The following RNF144B variants were observed in gnomAD, a reference collection of about 807,000 sequenced individuals.
RNF144B encodes ring finger protein 144B, also known as E3 ubiquitin-protein ligase RNF144B.
Under a neutral mutation model 40.2 loss-of-function variants are expected in RNF144B, and 25 were observed. The ratio of observed to expected loss-of-function variants is 0.62; its 90% confidence interval spans 0.45 to 0.87. The LOEUF (loss-of-function observed/expected upper bound fraction) is 0.87, where lower values mean the gene tolerates loss of function less well. Ranked by LOEUF, RNF144B falls within the 40% of genes least tolerant of loss-of-function variation. The probability of loss-of-function intolerance (pLI) is 0.00; values close to 1 mark genes in which losing one functional copy is unlikely to be tolerated. For synonymous variants in RNF144B, 145 were observed against 136.3 expected, an observed-to-expected ratio of 1.06 and a Z score of -0.44; for missense variants, 365 against 373.7, an observed-to-expected ratio of 0.98 and a Z score of 0.19.
At chr6:18,424,319 G>A (rs1185263871) in intron 2 of RNF144B, among the ~76,000 whole-genome samples, 1 of 152,184 alleles carries the variant, frequency 6.6e-6, no homozygotes, top group African/African-American at 2.4e-5. Flanking sequence ...ACTAGGGCTG[G>A]TTGTTTTCCC....
rs1456302218 is a variant in RNF144B, at chr6:18,418,387, C to T, written c.166-9194C>T. ...ATTCACACAATGGCATACTATTCAG[C>T]AATAAAATAAATGAAGTACCAATAC... On this transcript the variant is annotated intron_variant, in intron 2 of 7. Coordinates refer to ENST00000259939, the MANE Select transcript of RNF144B (RefSeq NM_182757.4). This position sits in a 1 kb window ranked among gnomAD's most constrained non-coding sequence, Gnocchi z 5.2. Among the ~76,000 whole-genome samples, 1 of 152,128 alleles carries T rather than the reference C, an allele frequency of 6.6e-6. No individual in the cohort carries two copies. Among genetic ancestry groups the T allele is most frequent in the East Asian group, 1.9e-4 (1 of 5,206 alleles).
Position 18,459,575 on chromosome 6 carries a change from T to C in RNF144B, c.537-32T>C, listed in dbSNP as rs756977237. ...GGGAATTCAACTGATGACCATCAGC[T>C]GAATGCCATTTCTCATCCATTTTGT... On this transcript the variant is annotated intron_variant, in intron 5 of 7. Coordinates refer to ENST00000259939, the MANE Select transcript of RNF144B (RefSeq NM_182757.4). This position sits in a 1 kb window ranked among gnomAD's most constrained non-coding sequence, Gnocchi z 4.2. 9.3e-6 allele frequency: 15 copies of C among 1,607,530 alleles called. No individual in the cohort carries two copies.
In RNF144B at chr6:18,456,722, C is replaced by T. The variant is rs916423919; in HGVS notation, c.332-433C>T. 1.3e-5 allele frequency among the ~76,000 whole-genome samples: 2 copies of T among 152,124 alleles called. No individual in the cohort carries two copies. Among genetic ancestry groups the T allele is most frequent in the African/African-American group, 4.8e-5 (2 of 41,416 alleles). The stretch of plus-strand genomic sequence containing the variant: ...CATTATGAAGACTAATAGTAGAAAT[C>T]CTCACCCTTGTTGTATTATACTTCC... On this transcript the variant is annotated intron_variant, in intron 4 of 7. Coordinates refer to ENST00000259939, the MANE Select transcript of RNF144B (RefSeq NM_182757.4). This position sits in a 1 kb window ranked among gnomAD's most constrained non-coding sequence, Gnocchi z 4.7.
rs1460290290 is a variant in RNF144B, at chr6:18,458,690, T to TGAAAATA, written c.537-916_537-910dup. The stretch of plus-strand genomic sequence containing the variant: ...GCCTCTGTGAGTCTGTTTCCCTATC[T>TGAAAATA]GAAAATAAGGGAATTAAGATACAAG... On this transcript the variant is annotated intron_variant, in intron 5 of 7. Transcript: ENST00000259939. The surrounding 1 kb of genome is among the most constrained non-coding windows in gnomAD (Gnocchi z 4.8). Among the ~76,000 whole-genome samples, 7 of 152,190 alleles carry TGAAAATA rather than the reference T, an allele frequency of 4.6e-5. No homozygotes were observed. Among genetic ancestry groups the TGAAAATA allele is most frequent in the Non-Finnish European group, 1.0e-4 (7 of 68,022 alleles).
At chr6:18,420,832 C>T (rs1795244097) in intron 2 of RNF144B, among the ~76,000 whole-genome samples, 2 of 152,048 alleles carry the variant, frequency 1.3e-5, no homozygotes, top group South Asian at 4.1e-4. Context: ...TTTAAAATTT[C>T]CTTTATTAGA....
chr6:18,400,693 T>C lies in RNF144B; in HGVS notation c.165+994T>C, dbSNP rs1375950302. 6.6e-6 allele frequency among the ~76,000 whole-genome samples: 1 copy of C among 152,180 alleles called. No individual in the cohort carries two copies. The highest frequency in any genetic ancestry group is 1.9e-4 in the East Asian group (1 of 5,198). On this transcript the variant is annotated intron_variant, in intron 2 of 7. Coordinates refer to ENST00000259939, the MANE Select transcript of RNF144B (RefSeq NM_182757.4). The surrounding 1 kb of genome is among the most constrained non-coding windows in gnomAD (Gnocchi z 5.6). ...GTTCATTTAATCAACAAATATCTGT[T>C]GAGCAGGAACTATGTCCCAGGAATG...
In RNF144B at chr6:18,459,866, A is replaced by G; in HGVS notation, c.681+115A>G. 2 of 987,382 alleles carry G rather than the reference A, an allele frequency of 2.0e-6. No homozygotes were observed. Among genetic ancestry groups the G allele is most frequent in the Non-Finnish European group, 3.0e-6 (2 of 670,150 alleles). 61.2% of individuals were successfully genotyped at this position (987,382 alleles called of 1,614,324 possible). On this transcript the variant is annotated intron_variant, in intron 6 of 7. Coordinates refer to ENST00000259939, the MANE Select transcript of RNF144B (RefSeq NM_182757.4). This position sits in a 1 kb window ranked among gnomAD's most constrained non-coding sequence, Gnocchi z 4.2. ...GGGCAATTTTTGTCCTGCAAAAGGA[A>G]TTTATTTTTCTTAATGAGACTTACT...
At position 18,395,069 on chromosome 6, in the gene RNF144B, T is replaced by C. The variant is rs1042759601; in HGVS notation, c.-36-4430T>C. Among the ~76,000 whole-genome samples the C allele has an allele frequency of 1.3e-5, 2 of 152,236 alleles. No homozygotes were observed. The highest frequency in any genetic ancestry group is 4.8e-5 in the African/African-American group (2 of 41,458). On this transcript the variant is annotated intron_variant, in intron 1 of 7. Coordinates refer to ENST00000259939, the MANE Select transcript of RNF144B (RefSeq NM_182757.4). This position sits in a 1 kb window ranked among gnomAD's most constrained non-coding sequence, Gnocchi z 4.5. ...CTTGCATTCTCTGCCAAAATTCTTTTCACAAGGGGTTCTTGACACTCGGTG... is the reference window on the plus strand; with the variant it reads ...CTTGCATTCTCTGCCAAAATTCTTTCCACAAGGGGTTCTTGACACTCGGTG...
At chr6:18,461,669 A>G (rs991280201) in intron 6 of RNF144B, among the ~76,000 whole-genome samples, 2 of 152,232 alleles carry the variant, frequency 1.3e-5, no homozygotes, top group African/African-American at 4.8e-5. Flanking sequence ...ATATTGAAGC[A>G]TCTTTTTTTC....
chr6:18,397,898 G>A (rs907614380), intron 1 of RNF144B, among the ~76,000 whole-genome samples: 1 of 152,088 alleles, frequency 6.6e-6, no homozygotes, highest in African/African-American at 2.4e-5. Flanking sequence ...TAACTTATCA[G>A]TATCACAATT....
At chr6:18,411,733 A>G (rs987279320) in intron 2 of RNF144B, among the ~76,000 whole-genome samples, 3 of 151,846 alleles carry the variant, frequency 2.0e-5, no homozygotes, top group African/African-American at 7.3e-5. Context: ...ACCTCAGGTG[A>G]TCTGTCCACC....
At position 18,398,919 on chromosome 6, in the gene RNF144B, T is replaced by C. The variant is rs1215520833; in HGVS notation, c.-36-580T>C. Reference sequence around the variant, plus strand: ...GTTGAATTGATTGTAGTGATGCAACTCCTAAATATGTTTGCTCATAGTGAT... The same window carrying C: ...GTTGAATTGATTGTAGTGATGCAACCCCTAAATATGTTTGCTCATAGTGAT... On this transcript the variant is annotated intron_variant, in intron 1 of 7. Transcript: ENST00000259939. The surrounding 1 kb of genome is among the most constrained non-coding windows in gnomAD (Gnocchi z 5.0). Among the ~76,000 whole-genome samples the C allele has an allele frequency of 6.6e-6, 1 of 152,230 alleles. No homozygotes were observed. Among genetic ancestry groups the C allele is most frequent in the African/African-American group, 2.4e-5 (1 of 41,458 alleles).
chr6:18,403,394 T>G (rs1356501214), intron 2 of RNF144B, among the ~76,000 whole-genome samples: 1 of 152,100 alleles, frequency 6.6e-6, no homozygotes, highest in East Asian at 1.9e-4. Flanking sequence ...CTGAAAAGAG[T>G]CGGTATGTTG....
At chr6:18,415,452 G>A (rs1320114493) in intron 2 of RNF144B, among the ~76,000 whole-genome samples, 1 of 152,180 alleles carries the variant, frequency 6.6e-6, no homozygotes, top group African/African-American at 2.4e-5. Context: ...TCACGTGACA[G>A]AAGAGATGGA....
rs1759618114 is a variant in RNF144B at position 18,468,388 on chromosome 6, G to A, written c.*3321G>A. 1 of 152,174 alleles carries A rather than the reference G, an allele frequency of 6.6e-6. No homozygotes were observed. The highest frequency in any genetic ancestry group is 1.5e-5 in the Non-Finnish European group (1 of 68,018). The allele number at this position is 152,174 out of a possible 1,614,324, so 9.4% of individuals were successfully genotyped here. ...GGTATTTGCTTTGGACTTGGAGTCT[G>A]TACTTTGAAAGAGGCCTTTGAAAAA... On this transcript the variant is annotated 3_prime_UTR_variant, in exon 8 of 8. Coordinates refer to ENST00000259939, the MANE Select transcript of RNF144B (RefSeq NM_182757.4).
In RNF144B at chr6:18,425,109, G is replaced by A. The variant is rs76476696; in HGVS notation, c.166-2472G>A. Among the ~76,000 whole-genome samples the A allele has an allele frequency of 0.032, 4,796 of 152,108 alleles. 147 individuals carry two copies. The highest frequency in any genetic ancestry group is 0.075 in the African/African-American group (3,097 of 41,456). ...TGAGGTAACTATAACAGGTATTATT[G>A]TCCCTACTTTTTAAATTAAGGAAAG... On this transcript the variant is annotated intron_variant, in intron 2 of 7. Coordinates refer to ENST00000259939, the MANE Select transcript of RNF144B (RefSeq NM_182757.4). This position sits in a 1 kb window ranked among gnomAD's most constrained non-coding sequence, Gnocchi z 4.2.
intron 2 of RNF144B, among the ~76,000 whole-genome samples, chr6:18,408,498 A>G (rs538674492): frequency 1.3e-5 from 2 of 152,300 alleles, no homozygotes; most frequent in African/African-American, 4.8e-5. Flanking sequence ...ATCTTATTCT[A>G]TTTTGGATGG....
chr6:18,409,547 T>C (rs1269985825), intron 2 of RNF144B, among the ~76,000 whole-genome samples: 5 of 149,120 alleles, frequency 3.4e-5, no homozygotes, highest in African/African-American at 1.2e-4. Flanking sequence ...TGGGACAAAC[T>C]TCACTTGCAT....
Position 18,464,848 on chromosome 6 carries a change from C to A in RNF144B, c.772-79C>A, listed in dbSNP as rs1221712180. The A allele has an allele frequency of 1.4e-6, 2 of 1,387,776 alleles. No individual in the cohort carries two copies. 86.0% of individuals were successfully genotyped at this position (1,387,776 alleles called of 1,614,324 possible). A position where few individuals can be genotyped will look rare whatever the true frequency, so the allele number is the denominator to read the frequency against. ...GGGGACACAAACATTTGGCCCACAG[C>A]AGATAACAGTATAGTTGGAATAAGT... is the stretch of plus-strand genomic sequence containing the variant. On this transcript the variant is annotated intron_variant, in intron 7 of 7. Transcript: ENST00000259939. This position sits in a 1 kb window ranked among gnomAD's most constrained non-coding sequence, Gnocchi z 6.1.
Sources: gnomAD v4.1 joint callset for allele counts (sites outside exome capture counted in the v4.1 genomes callset) on GRCh38, gnomAD v4.1.1 for gene constraint, Gnocchi (gnomAD v3.1) non-coding constraint, MANE v1.5 for transcripts, NCBI Gene and HGNC (gene_info 2026-07-23, HGNC 2026-07-21) for gene names.